Variants in TRPM3 observed in about 807,000 individuals in gnomAD.
TRPM3 encodes the protein long transient receptor potential channel 3.
Under a neutral mutation model 181.2 loss-of-function variants are expected in TRPM3, and 77 were observed. The observed-to-expected ratio is 0.42, with a 90% CI of 0.35 to 0.51. The LOEUF is 0.51. Ranked by LOEUF, TRPM3 falls within the 20% of genes least tolerant of loss-of-function variation. TRPM3 has a pLI of 0.01. For missense variants in TRPM3, 1,759 were observed against 2,196.7 expected (o/e 0.80, Z 3.98); for synonymous variants, 745 against 796.4 (o/e 0.94, Z 1.09).
intron 1 of TRPM3, among the ~76,000 whole-genome samples, chr9:71,017,851 A>G (rs1425448037): frequency 6.6e-6 from 1 of 151,818 alleles, no homozygotes; most frequent in African/African-American, 2.4e-5. Flanking sequence ...CATACATAGA[A>G]CTCTATACCC....
At chr9:70,897,405 C>A (rs569521142) in intron 1 of TRPM3, among the ~76,000 whole-genome samples, 1 of 150,682 alleles carries the variant, frequency 6.6e-6, no homozygotes, top group Admixed American at 6.6e-5. Context: ...ACAGAAAGAG[C>A]AATATTGTAC....
chr9:71,007,058 A>AAAAAAAAAAAAAAAAAAAAAAAAAC (rs2097685637), intron 1 of TRPM3, among the ~76,000 whole-genome samples: 1 of 139,908 alleles, frequency 7.1e-6, no homozygotes, highest in African/African-American at 2.6e-5. Flanking sequence ...AAAAAAAAAA[A>AAAAAAAAAAAAAAAAAAAAAAAAAC]AAAAAGAAAG....
chr9:70,833,457 AT>A (rs1169434639), intron 5 of TRPM3, among the ~76,000 whole-genome samples: 1 of 152,182 alleles, frequency 6.6e-6, no homozygotes, highest in Non-Finnish European at 1.5e-5. Flanking sequence ...GCTGAAAAAT[AT>A]TAGCATTTAT....
chr9:70,662,846 A>T (rs1032893379), intron 9 of TRPM3, among the ~76,000 whole-genome samples: 1 of 152,188 alleles, frequency 6.6e-6, no homozygotes, highest in East Asian at 1.9e-4. Context: ...TCCTTAAAGA[A>T]CTAAAAGTAG....
At chr9:71,003,477 G>A (rs984335092) in intron 1 of TRPM3, among the ~76,000 whole-genome samples, 1 of 151,730 alleles carries the variant, frequency 6.6e-6, no homozygotes, top group Non-Finnish European at 1.5e-5. Flanking sequence ...CTGGGACAAA[G>A]AGTAAATGAA....
chr9:71,330,764 C>T (rs1425022790), intron 1 of TRPM3, among the ~76,000 whole-genome samples: 1 of 151,608 alleles, frequency 6.6e-6, no homozygotes, highest in Non-Finnish European at 1.5e-5. Context: ...GGGTAAGATC[C>T]AAGTATGTCA....
At chr9:70,871,966 A>G (rs150370793) in intron 1 of TRPM3, among the ~76,000 whole-genome samples, 14 of 152,162 alleles carry the variant, frequency 9.2e-5, no homozygotes, top group Non-Finnish European at 1.8e-4. Flanking sequence ...ATTTTCTACC[A>G]TCAGTAACGA....
chr9:70,832,001 A>ATATATATTTATATATATATATAT (rs1564497915), intron 5 of TRPM3, among the ~76,000 whole-genome samples: 1 of 126,066 alleles, frequency 7.9e-6, no homozygotes, highest in African/African-American at 2.9e-5. Context: ...ATATATACCT[A>ATATATATTTATATATATATATAT]CTATGTACCC....
chr9:70,958,547 T>G (rs2097103276), intron 1 of TRPM3, among the ~76,000 whole-genome samples: 1 of 152,122 alleles, frequency 6.6e-6, no homozygotes, highest in South Asian at 2.1e-4. Flanking sequence ...ATGAGCATTT[T>G]TTCATGTGTC....
chr9:70,936,475 A>T (rs2096829628), intron 1 of TRPM3, among the ~76,000 whole-genome samples: 1 of 152,220 alleles, frequency 6.6e-6, no homozygotes, highest in South Asian at 2.1e-4. Context: ...TAAAAAATTC[A>T]GGCTGCATTG....
chr9:70,795,798 C>T (rs543009070), intron 6 of TRPM3, among the ~76,000 whole-genome samples: 2 of 152,294 alleles, frequency 1.3e-5, no homozygotes, highest in South Asian at 2.1e-4. Context: ...GCTGTTATTC[C>T]CTTGTGGCCA....
intron 1 of TRPM3, among the ~76,000 whole-genome samples, chr9:71,042,420 AAAAT>A (rs879504557): frequency 8.7e-4 from 133 of 152,332 alleles, no homozygotes; most frequent in Middle Eastern, 3.4e-3. Flanking sequence ...TCTTGTCACC[AAAAT>A]AGATGGCATT....
intron 1 of TRPM3, among the ~76,000 whole-genome samples, chr9:71,179,804 T>G (rs1230825014): frequency 6.6e-6 from 1 of 152,092 alleles, no homozygotes; most frequent in East Asian, 1.9e-4. Flanking sequence ...ACATTCTGTT[T>G]AAACAAAATT....
At chr9:70,558,646 C>G (rs2048322613) in intron 22 of TRPM3, among the ~76,000 whole-genome samples, 1 of 152,116 alleles carries the variant, frequency 6.6e-6, no homozygotes. Flanking sequence ...ATTATCAAAC[C>G]TGTAGGATTA....
intron 21 of TRPM3, among the ~76,000 whole-genome samples, chr9:70,594,232 A>G (rs2058618282): frequency 6.6e-6 from 1 of 152,038 alleles, no homozygotes; most frequent in Admixed American, 6.6e-5. Flanking sequence ...TTTATTTTAT[A>G]AAGATTCAAT....
intron 22 of TRPM3, among the ~76,000 whole-genome samples, chr9:70,576,023 A>G (rs2053833127): frequency 1.3e-5 from 2 of 151,916 alleles, no homozygotes; most frequent in Non-Finnish European, 2.9e-5. Flanking sequence ...TAATTTTCTG[A>G]CCCATCTATG....
chr9:70,687,492 T>C (rs1694506789), intron 8 of TRPM3, among the ~76,000 whole-genome samples: 1 of 152,228 alleles, frequency 6.6e-6, no homozygotes, highest in Admixed American at 6.5e-5. Context: ...CAAAGCACTA[T>C]GGAATACAGT....
chr9:70,643,135 A>G (rs1252598983), intron 9 of TRPM3, among the ~76,000 whole-genome samples: 1 of 152,158 alleles, frequency 6.6e-6, no homozygotes, highest in African/African-American at 2.4e-5. Flanking sequence ...TCAGGTAACA[A>G]CAGGGACTGC....
At chr9:71,305,233 T>A (rs945082945) in intron 1 of TRPM3, among the ~76,000 whole-genome samples, 2 of 152,160 alleles carry the variant, frequency 1.3e-5, no homozygotes, top group African/African-American at 4.8e-5. Flanking sequence ...TTAATTATAA[T>A]CAAAATACAT....
Sources: gnomAD v4.1 joint callset for allele counts (sites outside exome capture counted in the v4.1 genomes callset) on GRCh38, gnomAD v4.1.1 for gene constraint, MANE v1.5 for transcripts, NCBI Gene and HGNC (gene_info 2026-07-23, HGNC 2026-07-21) for gene names.